BLTP1: variants seen among roughly 807,000 people sequenced by gnomAD.
BLTP1 encodes the protein bridge-like lipid transfer protein family member 1.
At chr4:122,347,092 T>G in the BLTP1 span, 1 of 975,732 alleles carries the variant, frequency 1.0e-6, no homozygotes, top group Non-Finnish European at 1.2e-6. Context: ...TACTCTGTAA[T>G]CCTTTTAAAT....
chr4:122,228,954 C>A, the BLTP1 span: 29 of 231,632 alleles, frequency 1.3e-4, no homozygotes, highest in Non-Finnish European at 1.8e-4. Context: ...ATTGATAACA[C>A]TTTAACTGCT....
chr4:122,335,381 T>A, the BLTP1 span, among the ~76,000 whole-genome samples: 1 of 152,104 alleles, frequency 6.6e-6, no homozygotes, highest in African/African-American at 2.4e-5. Flanking sequence ...TCATTGAATG[T>A]CATCTTGGAA....
the BLTP1 span, chr4:122,263,255 C>T: frequency 2.0e-6 from 2 of 984,378 alleles, no homozygotes; most frequent in Non-Finnish European, 2.4e-6. Flanking sequence ...AGAATTTCCC[C>T]TGTTATAATA....
the BLTP1 span, chr4:122,198,336 C>T: frequency 5.1e-5 from 50 of 985,090 alleles, no homozygotes; most frequent in South Asian, 1.8e-3. Flanking sequence ...GTACGCAGTT[C>T]GAAAGAAGCA....
the BLTP1 span, chr4:122,192,213 A>G: frequency 1.1e-5 from 18 of 1,610,160 alleles, no homozygotes; most frequent in East Asian, 2.2e-5. Context: ...TTTATATTGT[A>G]TGTTCTGGAA....
At chr4:122,227,248 GTTGGTCA>G in the BLTP1 span, 1 of 988,280 alleles carries the variant, frequency 1.0e-6, no homozygotes, top group Non-Finnish European at 1.2e-6. Flanking sequence ...TAATAGCAAG[GTTGGTCA>G]TTTGCCAGGT....
At chr4:122,294,692 GC>G in the BLTP1 span, among the ~76,000 whole-genome samples, 21 of 152,284 alleles carry the variant, frequency 1.4e-4, no homozygotes, top group African/African-American at 4.3e-4. Flanking sequence ...AACTCAAAAA[GC>G]CAGAGTGTCT....
the BLTP1 span, chr4:122,299,008 G>A: frequency 1.0e-6 from 1 of 985,314 alleles, no homozygotes; most frequent in Non-Finnish European, 1.2e-6. Flanking sequence ...CTTTATACTT[G>A]CGTTCAGGAA....
the BLTP1 span, chr4:122,281,613 T>C: frequency 1.2e-6 from 2 of 1,613,472 alleles, no homozygotes; most frequent in South Asian, 2.2e-5. Flanking sequence ...CAAACTCCTG[T>C]TGAAACAAAT....
the BLTP1 span, chr4:122,355,927 C>T: frequency 6.2e-7 from 1 of 1,611,182 alleles, no homozygotes; most frequent in Non-Finnish European, 8.5e-7. Flanking sequence ...CTTTGCATTA[C>T]CAAGGATGCA....
chr4:122,211,819 T>G, the BLTP1 span, among the ~76,000 whole-genome samples: 1 of 152,186 alleles, frequency 6.6e-6, no homozygotes, highest in African/African-American at 2.4e-5. Flanking sequence ...TCACTCTTAT[T>G]CTTTTGATGT....
chr4:122,250,162 G>A, the BLTP1 span: 4 of 338,626 alleles, frequency 1.2e-5, no homozygotes, highest in Non-Finnish European at 1.7e-5. Flanking sequence ...ATATAATATA[G>A]TAACTACTAT....
At chr4:122,235,997 G>A in the BLTP1 span, among the ~76,000 whole-genome samples, 1 of 152,134 alleles carries the variant, frequency 6.6e-6, no homozygotes, top group Non-Finnish European at 1.5e-5. Context: ...AATATTTACT[G>A]TTTAAGTTGC....
chr4:122,270,089 C>G, the BLTP1 span, among the ~76,000 whole-genome samples: 1 of 152,154 alleles, frequency 6.6e-6, no homozygotes, highest in South Asian at 2.1e-4. Flanking sequence ...GTTTTTCCAT[C>G]TCTGACCATA....
chr4:122,335,420 C>T, the BLTP1 span, among the ~76,000 whole-genome samples: 1 of 151,866 alleles, frequency 6.6e-6, no homozygotes, highest in African/African-American at 2.4e-5. Flanking sequence ...TGAATGATAC[C>T]GTACATACAT....
chr4:122,167,876 C>T, the BLTP1 span: 2 of 985,338 alleles, frequency 2.0e-6, no homozygotes, highest in Non-Finnish European at 2.4e-6. Context: ...AGGAAACAAC[C>T]AGTTTGTATT....
the BLTP1 span, chr4:122,308,115 T>C: frequency 1.2e-6 from 2 of 1,613,452 alleles, no homozygotes; most frequent in Admixed American, 3.3e-5. Flanking sequence ...TCCAGCTCAC[T>C]GTCAATGATC....
the BLTP1 span, among the ~76,000 whole-genome samples, chr4:122,279,401 C>G: frequency 6.6e-6 from 1 of 152,270 alleles, no homozygotes. Context: ...GGGATACTAT[C>G]CCCAAAGGCT....
the BLTP1 span, chr4:122,199,546 A>G: frequency 9.6e-7 from 1 of 1,046,760 alleles, no homozygotes; most frequent in East Asian, 2.6e-5. Flanking sequence ...AAATCATCAA[A>G]TGGTCCATCT....
Sources: allele counts gnomAD v4.1 joint callset (sites outside exome capture counted in the v4.1 genomes callset), GRCh38; gene constraint gnomAD v4.1.1; transcripts MANE v1.5; gene names NCBI Gene and HGNC (gene_info 2026-07-23, HGNC 2026-07-21).